BIRC6: variants seen among roughly 807,000 people sequenced by gnomAD.
BIRC6 encodes the protein baculoviral IAP repeat containing 6, also known as dual E2 ubiquitin-conjugating enzyme/E3 ubiquitin-protein ligase BIRC6.
A neutral mutation model predicts 503.3 loss-of-function variants in BIRC6; 98 were observed. The observed-to-expected ratio is 0.19, with a 90% confidence interval of 0.17 to 0.23. BIRC6 has a LOEUF of 0.23. Ranked by LOEUF, BIRC6 falls within the 10% of genes least tolerant of loss-of-function variation. The pLI is 1.00. For synonymous variants in BIRC6, 2,240 were observed against 2,078.7 expected (o/e 1.08, Z -2.11); for missense variants, 5,360 against 5,806.0 (o/e 0.92, Z 2.50).
chr2:32,514,547 C>T (rs913583318), intron 54 of BIRC6, among the ~76,000 whole-genome samples: 1 of 152,146 alleles, frequency 6.6e-6, no homozygotes, highest in Non-Finnish European at 1.5e-5. Flanking sequence ...TCATATTTGG[C>T]CTTAGCGATT....
rs373011209 is a variant in BIRC6 at position 32,513,582 on chromosome 2, TG to T, written c.10568+431del. Among the ~76,000 whole-genome samples the T allele has an allele frequency of 5.5e-3, 833 of 152,138 alleles. 9 individuals carry two copies. Among genetic ancestry groups the T allele is most frequent in the South Asian group, 0.016 (78 of 4,814 alleles). ...TTGAGTCAGGAGTTCAAGACCAGCT[TG>T]GGCAACATGCAAAACGTTGTCTGTA... On this transcript the variant is annotated intron_variant, in intron 54 of 73. Coordinates refer to ENST00000421745, the MANE Select transcript of BIRC6 (RefSeq NM_016252.4).
chr2:32,366,286 G>A lies in BIRC6; in HGVS notation c.325+8800G>A, dbSNP rs6705704. Among the ~76,000 whole-genome samples the A allele has an allele frequency of 3.9e-3, 597 of 152,300 alleles. 8 individuals are homozygous for A. The highest frequency in any genetic ancestry group is 0.013 in the African/African-American group (560 of 41,552). ...CTTTTAAGATTTTTGGGGAGGAGAG[G>A]AAACAGATTAGTTAATGCTTTTCCA... On this transcript the variant is annotated intron_variant, in intron 1 of 73. Coordinates refer to ENST00000421745, the MANE Select transcript of BIRC6 (RefSeq NM_016252.4).
intron 65 of BIRC6, among the ~76,000 whole-genome samples, chr2:32,555,837 T>A (rs1219088386): frequency 7.5e-6 from 1 of 133,070 alleles, no homozygotes; most frequent in Non-Finnish European, 1.5e-5. Context: ...GGAAGTGGGA[T>A]CCCAGGAGGG....
chr2:32,600,962 A>G (rs912814356), intron 70 of BIRC6, among the ~76,000 whole-genome samples: 1 of 152,234 alleles, frequency 6.6e-6, no homozygotes, highest in Non-Finnish European at 1.5e-5. Context: ...GGGCCACACA[A>G]AAATTCGCTA....
chr2:32,407,369 C>T (rs369556640), intron 9 of BIRC6, among the ~76,000 whole-genome samples: 8 of 148,574 alleles, frequency 5.4e-5, no homozygotes, highest in Non-Finnish European at 7.4e-5. Flanking sequence ...CGTTTGAACC[C>T]GGGAGGCGGA....
At chr2:32,535,507 A>G (rs971737604) in intron 61 of BIRC6, among the ~76,000 whole-genome samples, 2 of 151,922 alleles carry the variant, frequency 1.3e-5, no homozygotes, top group East Asian at 3.9e-4. Context: ...CCCTGTGTCC[A>G]TGTGTTCTCA....
chr2:32,409,498 A>G (rs1000262310), intron 9 of BIRC6, among the ~76,000 whole-genome samples: 3 of 152,170 alleles, frequency 2.0e-5, no homozygotes, highest in Admixed American at 6.6e-5. Context: ...GAGTGCAGAT[A>G]AAGAGACATT....
At position 32,465,079 on chromosome 2, in the gene BIRC6, T is replaced by C; in HGVS notation, c.5271T>C (p.Ser1757=). The C allele has an allele frequency of 1.3e-6, 2 of 1,597,998 alleles. No individual in the cohort carries two copies. The highest frequency in any genetic ancestry group is 1.7e-5 in the Admixed American group (1 of 58,756). Residue 1757 remains serine, a synonymous_variant, in exon 26 of 74, where the codon TCT becomes TCC. Transcript: ENST00000421745. The part of the protein sequence containing the change: ...SNKSRMNPLG[S]GLALAISHAS... ...CCCTGCTCTAGAATCCACTTGGTTC[T>C]GGTCTAGCCCTTGCAATTTCTCATG...
chr2:32,474,244 T>C (rs2049462786), intron 33 of BIRC6, among the ~76,000 whole-genome samples: 1 of 152,166 alleles, frequency 6.6e-6, no homozygotes, highest in South Asian at 2.1e-4. Flanking sequence ...TTTTCACTTC[T>C]AAGTTTTTCA....
At position 32,545,830 on chromosome 2, in the gene BIRC6, A is replaced by T; in HGVS notation, c.12780A>T (p.Arg4260=). 1 of 1,613,836 alleles carries T rather than the reference A, an allele frequency of 6.2e-7. No individual in the cohort carries two copies. Among genetic ancestry groups the T allele is most frequent in the African/African-American group, 1.3e-5 (1 of 75,042 alleles). Residue 4260 remains arginine, a synonymous_variant, in exon 63 of 74, where the codon CGA becomes CGT. Transcript: ENST00000421745. ...CTGCTTTGAGCCACCATTCCCCACG[A>T]GTTCCAAACTCTAGCGTGAATCAAA... ...CLSALSHHSP[R]VPNSSVNQTE... is the part of the protein sequence containing the mutation.
intron 26 of BIRC6, among the ~76,000 whole-genome samples, chr2:32,465,734 T>C (rs1207937183): frequency 6.6e-6 from 1 of 152,244 alleles, no homozygotes; most frequent in African/African-American, 2.4e-5. Context: ...ACCAACATTT[T>C]TGTGCTTTAG....
chr2:32,408,942 G>T (rs1252276407), intron 9 of BIRC6, among the ~76,000 whole-genome samples: 1 of 152,066 alleles, frequency 6.6e-6, no homozygotes, highest in East Asian at 1.9e-4. Context: ...AAGACCATTG[G>T]TGACTTTATG....
rs932273109 is a variant in BIRC6 at position 32,433,654 on chromosome 2, G to A, written c.3259G>A (p.Asp1087Asn). 1.3e-6 allele frequency: 2 copies of A among 1,556,108 alleles called. No homozygotes were observed. Among genetic ancestry groups the A allele is most frequent in the Admixed American group, 1.7e-5 (1 of 59,126 alleles). The part of the protein sequence containing the change: ...WKLQTDSNSW[D>N]EHVFELVLPK... Reference sequence around the variant, plus strand: ...CCCCTTATTTGACAGCAACAGCTGGGATGAACATGTATTTGAATTAGTACT... The same window carrying A: ...CCCCTTATTTGACAGCAACAGCTGGAATGAACATGTATTTGAATTAGTACT... Residue 1087 changes from aspartate (D) to asparagine (N), a missense_variant, in exon 13 of 74, where the codon GAT (aspartate) becomes AAT (asparagine). Around this residue, in one of 16 missense-constraint regions of BIRC6, gnomAD observed 2,299 missense variants for 2,267.2 expected, o/e 1.01. Coordinates refer to ENST00000421745, the MANE Select transcript of BIRC6 (RefSeq NM_016252.4).
chr2:32,550,721 T>C (rs1433478448), intron 65 of BIRC6, among the ~76,000 whole-genome samples: 1 of 152,150 alleles, frequency 6.6e-6, no homozygotes, highest in Non-Finnish European at 1.5e-5. Flanking sequence ...CTTATAACAC[T>C]GAGCTTTTAT....
At chr2:32,562,648 C>G (rs1362239062) in intron 65 of BIRC6, among the ~76,000 whole-genome samples, 2 of 152,156 alleles carry the variant, frequency 1.3e-5, no homozygotes, top group African/African-American at 2.4e-5. Flanking sequence ...TGTACTGTCT[C>G]CATAGTTGTG....
At chr2:32,517,041 G>T (rs2055128794) in intron 55 of BIRC6, among the ~76,000 whole-genome samples, 1 of 152,100 alleles carries the variant, frequency 6.6e-6, no homozygotes, top group African/African-American at 2.4e-5. Context: ...TTATTAAGAA[G>T]AAGGGCAGGT....
chr2:32,451,145 A>G (rs1447575112), intron 22 of BIRC6, among the ~76,000 whole-genome samples: 1 of 152,202 alleles, frequency 6.6e-6, no homozygotes, highest in African/African-American at 2.4e-5. Context: ...TCCACATTGC[A>G]TTGAGTATGA....
chr2:32,587,544 C>CA (rs2061124205), intron 66 of BIRC6, among the ~76,000 whole-genome samples: 1 of 151,916 alleles, frequency 6.6e-6, no homozygotes, highest in Non-Finnish European at 1.5e-5. Context: ...GGCAACAAGG[C>CA]AAAACCCTGT....
chr2:32,465,527 A>C (rs1388660547), intron 26 of BIRC6, among the ~76,000 whole-genome samples: 1 of 152,146 alleles, frequency 6.6e-6, no homozygotes, highest in Non-Finnish European at 1.5e-5. Flanking sequence ...GAGAAGAGCA[A>C]ACAGAACTAC....
Sources: gnomAD v4.1 joint callset for allele counts (sites outside exome capture counted in the v4.1 genomes callset) on GRCh38, gnomAD v4.1.1 for gene constraint, gnomAD v4.1.1 regional missense constraint, MANE v1.5 for transcripts, NCBI Gene and HGNC (gene_info 2026-07-23, HGNC 2026-07-21) for gene names.